The following KANSL3 variants were observed in gnomAD, a reference collection of about 807,000 sequenced individuals.
KANSL3 encodes NSL complex protein NSL3.
Under a neutral mutation model 89.2 loss-of-function variants are expected in KANSL3, and 16 were observed. The observed-to-expected ratio is 0.18, with a 90% confidence interval of 0.12 to 0.27. KANSL3 has a LOEUF of 0.27. Ranked by LOEUF, KANSL3 falls within the 10% of genes least tolerant of loss-of-function variation. The pLI is 1.00. For missense variants in KANSL3, 879 were observed against 1,110.6 expected (o/e 0.79, Z 2.96); for synonymous variants, 385 against 419.7 (o/e 0.92, Z 1.01).
chr2:96,619,588 G>A, intron 4 of KANSL3, 44 bp from the exon 5 acceptor site: 1 of 1,606,848 alleles, frequency 6.2e-7, no homozygotes, highest in Non-Finnish European at 8.5e-7. Context: ...GGACTACCTG[G>A]TTAACAAGCA....
At chr2:96,614,295 T>C (rs1017473586) in intron 5 of KANSL3, among the ~76,000 whole-genome samples, 2 of 152,088 alleles carry the variant, frequency 1.3e-5, no homozygotes, top group African/African-American at 4.8e-5. Flanking sequence ...AGTTTCACCA[T>C]ATTGGTCAGG....
chr2:96,636,269 T>G (rs2074231935), intron 2 of KANSL3, among the ~76,000 whole-genome samples: 1 of 152,192 alleles, frequency 6.6e-6, no homozygotes, highest in Non-Finnish European at 1.5e-5. Flanking sequence ...TAGAATGCCT[T>G]AAAGTGCAAA....
the KANSL3 span, among the ~76,000 whole-genome samples, chr2:96,585,042 G>C: frequency 6.6e-6 from 1 of 152,152 alleles, no homozygotes; most frequent in East Asian, 1.9e-4. Flanking sequence ...TTTCTCTATG[G>C]AAGCCTTTAA....
Position 96,604,279 on chromosome 2 carries a change from A to G in KANSL3, c.2120T>C (p.Val707Ala), listed in dbSNP as rs1370510942. 1 of 1,611,084 alleles carries G rather than the reference A, an allele frequency of 6.2e-7. No homozygotes were observed. ...GAGGGAGCTGCCAGGAGATGTGGCC[A>G]CCAGGCGGCTCTGCAGTGTGTGCAA... ...SALHTLQSRL[V>A]ATSPGSSLPG... Residue 707 changes from valine (V) to alanine (A), a missense_variant, in exon 17 of 21, where the codon GTG becomes GCG. Around this residue, in one of 6 missense-constraint regions of KANSL3, gnomAD observed 317 missense variants for 311.2 expected, o/e 1.02. Transcript: ENST00000431828.
At chr2:96,621,750 A>G (rs1024173500) in intron 3 of KANSL3, among the ~76,000 whole-genome samples, 3 of 152,206 alleles carry the variant, frequency 2.0e-5, no homozygotes, top group African/African-American at 7.2e-5. Flanking sequence ...ATTAATAAGA[A>G]AAAGATGAAA....
At chr2:96,590,501 G>A (rs907582699), downstream of KANSL3, among the ~76,000 whole-genome samples, 1 of 151,794 alleles carries the variant, frequency 6.6e-6, no homozygotes, top group Non-Finnish European at 1.5e-5. Flanking sequence ...TGTTGCCTAG[G>A]GGGTTTCAAA....
At chr2:96,611,903 A>ATGTGTGTGTGTGTGTG (rs59217274) in intron 9 of KANSL3, among the ~76,000 whole-genome samples, 14,297 of 113,100 alleles carry the variant, frequency 0.13, 1,165 homozygotes, top group Non-Finnish European at 0.14. Flanking sequence ...ATATACCCAT[A>ATGTGTGTGTGTGTGTG]TGTGTGTGTG....
intron 15 of KANSL3, 131 bp downstream of exon 15, chr2:96,605,189 T>C: frequency 1.3e-6 from 1 of 786,612 alleles, no homozygotes; most frequent in Non-Finnish European, 2.0e-6. Flanking sequence ...ATGTACAGAC[T>C]CATGTCTTCT....
intron 3 of KANSL3, among the ~76,000 whole-genome samples, chr2:96,627,086 C>T (rs932508261): frequency 2.6e-5 from 4 of 152,180 alleles, no homozygotes; most frequent in African/African-American, 9.7e-5. Context: ...AAATTTAAAT[C>T]AGCCCACTGT....
At chr2:96,582,804 A>G in the KANSL3 span, among the ~76,000 whole-genome samples, 1 of 152,238 alleles carries the variant, frequency 6.6e-6, no homozygotes, top group African/African-American at 2.4e-5. Flanking sequence ...ATTCATGCTA[A>G]TAGGCAGGTA....
Position 96,595,698 on chromosome 2 carries a change from T to C in KANSL3, c.2617-67A>G, listed in dbSNP as rs2066468274. On this transcript the variant is annotated intron_variant, in intron 20 of 20. Transcript: ENST00000431828. Reference sequence around the variant, plus strand: ...AGGTTATCATCATATTCAGACCCTCTATCCCAATTATCCCAACTCCTGAGA... The same window carrying C: ...AGGTTATCATCATATTCAGACCCTCCATCCCAATTATCCCAACTCCTGAGA... 6 of 1,483,322 alleles carry C rather than the reference T, an allele frequency of 4.0e-6. No homozygotes were observed. The South Asian group carries it at 4.8e-5, about 12-fold the overall frequency. The allele number at this position is 1,483,322 out of a possible 1,614,324, so 91.9% of individuals were successfully genotyped here.
At chr2:96,590,351 G>A (rs2066263873), downstream of KANSL3, among the ~76,000 whole-genome samples, 1 of 151,496 alleles carries the variant, frequency 6.6e-6, no homozygotes, top group Admixed American at 6.6e-5. Context: ...TGAGTACCAT[G>A]GCACGATCAC....
chr2:96,585,771 A>G, the KANSL3 span, among the ~76,000 whole-genome samples: 2 of 152,198 alleles, frequency 1.3e-5, no homozygotes, highest in Non-Finnish European at 2.9e-5. Flanking sequence ...ACCATGGAAT[A>G]CTATTCAGCC....
At chr2:96,613,042 T>C (rs895682665) in intron 6 of KANSL3, 108 bp from the exon 7 acceptor site, 2 of 742,734 alleles carry the variant, frequency 2.7e-6, no homozygotes, top group East Asian at 2.7e-5. Flanking sequence ...CCTTTGCTTG[T>C]GAAATTATGT....
At chr2:96,629,446 C>T (rs2072995477) in intron 3 of KANSL3, among the ~76,000 whole-genome samples, 1 of 152,150 alleles carries the variant, frequency 6.6e-6, no homozygotes, top group African/African-American at 2.4e-5. Flanking sequence ...CCTCAGCCTC[C>T]CGAGTAGCTG....
chr2:96,585,154 A>C, the KANSL3 span, among the ~76,000 whole-genome samples: 6 of 152,238 alleles, frequency 3.9e-5, no homozygotes, highest in African/African-American at 1.4e-4. Flanking sequence ...TAATTAAACT[A>C]AAAAGCTTCT....
Position 96,594,330 on chromosome 2 carries a change from G to A in KANSL3, c.*1281C>T, listed in dbSNP as rs1005271761. The A allele has an allele frequency of 6.6e-5, 10 of 152,214 alleles. No homozygotes were observed. Among genetic ancestry groups the A allele is most frequent in the African/African-American group, 1.4e-4 (6 of 41,436 alleles). The allele number at this position is 152,214 out of a possible 1,614,324, so 9.4% of individuals were successfully genotyped here. A position where few individuals can be genotyped will look rare whatever the true frequency, so the allele number is the denominator to read the frequency against. ...ATTCTAAGTATGGGAGCCTGTTCTG[G>A]AGGATAGCTTCTAAACCAAATCTAA... On this transcript the variant is annotated 3_prime_UTR_variant, in exon 21 of 21. Transcript: ENST00000431828.
chr2:96,597,808 G>A (rs1023919493), intron 20 of KANSL3, among the ~76,000 whole-genome samples: 1 of 151,996 alleles, frequency 6.6e-6, no homozygotes, highest in Non-Finnish European at 1.5e-5. Context: ...TCACCATTTT[G>A]GTCAAGATGG....
intron 2 of KANSL3, 42 bp downstream of exon 2, chr2:96,636,879 G>T: frequency 7.0e-7 from 1 of 1,424,492 alleles, no homozygotes; most frequent in Non-Finnish European, 9.4e-7. Flanking sequence ...TCTGATCACT[G>T]CCCAGTGAGG....
Sources: gnomAD v4.1 joint callset for allele counts (sites outside exome capture counted in the v4.1 genomes callset) on GRCh38, gnomAD v4.1.1 for gene constraint, gnomAD v4.1.1 regional missense constraint, MANE v1.5 for transcripts, NCBI Gene and HGNC (gene_info 2026-07-23, HGNC 2026-07-21) for gene names.